Variants in RAB11B observed in about 807,000 individuals in gnomAD.
RAB11B encodes ras-related protein Rab-11B.
Under a neutral mutation model 23.7 loss-of-function variants are expected in RAB11B, and 7 were observed. The observed-to-expected ratio is 0.29, with a 90% CI of 0.17 to 0.55. The LOEUF is 0.55. RAB11B is among the 20% of genes least tolerant of loss of function. The probability of loss-of-function intolerance (pLI) is 0.93; values close to 1 mark genes in which losing one functional copy is unlikely to be tolerated. For synonymous variants in RAB11B, 138 were observed against 132.0 expected (o/e 1.05, Z -0.31); for missense variants, 189 against 320.0 (o/e 0.59, Z 3.12).
intron 1 of RAB11B, among the ~76,000 whole-genome samples, chr19:8,395,149 G>T (rs889527731): frequency 1.3e-5 from 2 of 151,118 alleles, no homozygotes; most frequent in Non-Finnish European, 3.0e-5. Context: ...GGTGTAGATG[G>T]GGGCCCTCAC....
chr19:8,400,148 AG>A, intron 2 of RAB11B, 90 bp downstream of exon 2: 1 of 1,437,992 alleles, frequency 7.0e-7, no homozygotes, highest in Non-Finnish European at 9.5e-7. Flanking sequence ...GGAGTTGGGC[AG>A]GAGAAGGGGA....
At chr19:8,403,352 TC>T in intron 4 of RAB11B, 60 bp from the exon 5 acceptor site, 2 of 1,565,028 alleles carry the variant, frequency 1.3e-6, no homozygotes, top group South Asian at 2.4e-5. Flanking sequence ...AGGGAGGGGT[TC>T]CCCTCGGCAG....
chr19:8,390,462 G>A lies in RAB11B; in HGVS notation c.40+6G>A. ...GTACGACTACCTATTCAAAGGTGCGGCCGGTGGGGCACAGACGGGCGAAGT... is the reference window on the plus strand; with the variant it reads ...GTACGACTACCTATTCAAAGGTGCGACCGGTGGGGCACAGACGGGCGAAGT... On this transcript the variant is annotated splice_donor_region_variant and intron_variant, in intron 1 of 4. Coordinates refer to ENST00000328024, the MANE Select transcript of RAB11B (RefSeq NM_004218.4). 6.6e-7 allele frequency: 1 copy of A among 1,506,960 alleles called. No individual in the cohort carries two copies. The highest frequency in any genetic ancestry group is 8.8e-7 in the Non-Finnish European group (1 of 1,131,106). The allele number at this position is 1,506,960 out of a possible 1,614,324, so 93.3% of individuals were successfully genotyped here.
intron 1 of RAB11B, among the ~76,000 whole-genome samples, chr19:8,392,740 G>C (rs1971367500): frequency 1.6e-5 from 2 of 123,228 alleles, no homozygotes; most frequent in South Asian, 5.4e-4. Flanking sequence ...ACCCAGCCTG[G>C]AGTGCAGTGG....
intron 1 of RAB11B, among the ~76,000 whole-genome samples, chr19:8,391,922 G>A (rs1971358031): frequency 6.6e-6 from 1 of 152,082 alleles, no homozygotes; most frequent in Non-Finnish European, 1.5e-5. Context: ...GGCTCTGGCA[G>A]CTGCACACAG....
At chr19:8,392,160 C>T (rs560552470) in intron 1 of RAB11B, among the ~76,000 whole-genome samples, 23 of 152,214 alleles carry the variant, frequency 1.5e-4, no homozygotes, top group Admixed American at 7.8e-4. Context: ...CCCACCCAGA[C>T]GTGGCACTGC....
At position 8,396,339 on chromosome 19, in the gene RAB11B, A is replaced by G. The variant is rs1343769972; in HGVS notation, c.41-3524A>G. On this transcript the variant is annotated intron_variant, in intron 1 of 4. Transcript: ENST00000328024. The surrounding 1 kb of genome is among the most constrained non-coding windows in gnomAD (Gnocchi z 5.0). ...TTGGCATTTTGTTTGTTCACTTGAC[A>G]GACATTTTCTTGGGTGTTTATTGTG... is the stretch of plus-strand genomic sequence containing the variant. Among the ~76,000 whole-genome samples the G allele has an allele frequency of 6.6e-6, 1 of 152,182 alleles. No individual in the cohort carries two copies. The highest frequency in any genetic ancestry group is 1.5e-5 in the Non-Finnish European group (1 of 68,036).
chr19:8,402,654 C>CTTGTTTTTTTTCTTT, intron 4 of RAB11B, 89 bp downstream of exon 4: 1 of 929,930 alleles, frequency 1.1e-6, no homozygotes, highest in Non-Finnish European at 1.7e-6. Flanking sequence ...TGTTCGTTTG[C>CTTGTTTTTTTTCTTT]TTGTTTTTTT....
chr19:8,402,613 T>TG, intron 4 of RAB11B, 48 bp downstream of exon 4: 1 of 1,411,306 alleles, frequency 7.1e-7, no homozygotes, highest in Non-Finnish European at 1.0e-6. Flanking sequence ...CCAGGCAGGG[T>TG]GGAACACGGC....
At chr19:8,399,505 G>A (rs765236342) in intron 1 of RAB11B, among the ~76,000 whole-genome samples, 8 of 152,348 alleles carry the variant, frequency 5.3e-5, no homozygotes, top group Admixed American at 2.6e-4. Context: ...TTCTCAAGCC[G>A]TGTCTGGCTG....
Position 8,390,443 on chromosome 19 carries a change from C to A in RAB11B, c.27C>A (p.Asp9Glu). The stretch of plus-strand genomic sequence containing the variant: ...TGGGGACCCGGGACGACGAGTACGA[C>A]TACCTATTCAAAGGTGCGGCCGGTG... MGTRDDEY[D>E]YLFKVVLIGD... The change falls in exon 1 of 5, where the codon GAC becomes GAA. Residue 9 changes from aspartate (D) to glutamate (E), a missense_variant. Physicochemically the swap from Asp to Glu is conservative, Grantham distance 45 (BLOSUM62 2). This residue lies in a region of RAB11B where 20 missense variants were observed against 16.2 expected (regional missense o/e 1.24). Coordinates refer to ENST00000328024, the MANE Select transcript of RAB11B (RefSeq NM_004218.4). 1 of 1,514,640 alleles carries A rather than the reference C, an allele frequency of 6.6e-7. No individual in the cohort carries two copies. Among genetic ancestry groups the A allele is most frequent in the Non-Finnish European group, 8.8e-7 (1 of 1,137,290 alleles). The allele number at this position is 1,514,640 out of a possible 1,614,324, so 93.8% of individuals were successfully genotyped here.
chr19:8,403,681 CGGCCG>C lies in RAB11B; in HGVS notation c.*131_*135del. 1.5e-6 allele frequency: 2 copies of C among 1,357,594 alleles called. No homozygotes were observed. The highest frequency in any genetic ancestry group is 2.0e-6 in the Non-Finnish European group (2 of 1,015,114). The allele number at this position is 1,357,594 out of a possible 1,614,324, so 84.1% of individuals were successfully genotyped here. On this transcript the variant is annotated 3_prime_UTR_variant, in exon 5 of 5. Transcript: ENST00000328024. ...TCCAGCCCTCCCAGTGAGCTCTGCACGGCCGGGCCGGGGCCCAGGAAGGACAGGAG... is the reference window on the plus strand; with the variant it reads ...TCCAGCCCTCCCAGTGAGCTCTGCACGGCCGGGGCCCAGGAAGGACAGGAG...
intron 2 of RAB11B, 25 bp downstream of exon 2, chr19:8,400,083 G>A: frequency 6.2e-7 from 1 of 1,602,790 alleles, no homozygotes; most frequent in Non-Finnish European, 8.5e-7. Context: ...CCTGGGCAGG[G>A]ACGCTGAGAT....
intron 1 of RAB11B, among the ~76,000 whole-genome samples, chr19:8,397,516 C>T (rs1289420308): frequency 3.9e-5 from 6 of 151,974 alleles, no homozygotes; most frequent in Non-Finnish European, 7.4e-5. Flanking sequence ...GTAGCTGAGG[C>T]TGACACTGAC....
intron 1 of RAB11B, among the ~76,000 whole-genome samples, chr19:8,399,385 G>A (rs1342574371): frequency 6.6e-6 from 1 of 152,206 alleles, no homozygotes; most frequent in Non-Finnish European, 1.5e-5. Context: ...ACCGTGCCTG[G>A]CCATGCCTGC....
chr19:8,394,906 G>A (rs1971384579), intron 1 of RAB11B, among the ~76,000 whole-genome samples: 1 of 152,218 alleles, frequency 6.6e-6, no homozygotes, highest in Non-Finnish European at 1.5e-5. Flanking sequence ...CTCCAGCCTG[G>A]GCGAGGGAGA....
At chr19:8,395,546 T>C (rs942387946) in intron 1 of RAB11B, among the ~76,000 whole-genome samples, 1 of 152,176 alleles carries the variant, frequency 6.6e-6, no homozygotes, top group African/African-American at 2.4e-5. Context: ...CATGAGCCAC[T>C]GTACCCGGCC....
rs1317903337 is a variant in RAB11B at position 8,396,713 on chromosome 19, G to T, written c.41-3150G>T. Among the ~76,000 whole-genome samples, 4 of 147,158 alleles carry T rather than the reference G, an allele frequency of 2.7e-5. No individual in the cohort carries two copies. Among genetic ancestry groups the T allele is most frequent in the Non-Finnish European group, 4.5e-5 (3 of 66,800 alleles). On this transcript the variant is annotated intron_variant, in intron 1 of 4. Coordinates refer to ENST00000328024, the MANE Select transcript of RAB11B (RefSeq NM_004218.4). This position sits in a 1 kb window ranked among gnomAD's most constrained non-coding sequence, Gnocchi z 5.0. ...TGTGGCTGGAGCAGAGTGAGCCGGG[G>T]GGGGGGCGGGAGGGAGGAGGGGAGG...
intron 1 of RAB11B, among the ~76,000 whole-genome samples, chr19:8,395,161 G>A (rs943407973): frequency 1.3e-5 from 2 of 152,156 alleles, no homozygotes; most frequent in Non-Finnish European, 2.9e-5. Flanking sequence ...GGCCCTCACA[G>A]TGAGTCCATC....
Sources: gnomAD v4.1 joint callset for allele counts (sites outside exome capture counted in the v4.1 genomes callset) on GRCh38, gnomAD v4.1.1 for gene constraint, gnomAD v4.1.1 regional missense constraint, Gnocchi (gnomAD v3.1) non-coding constraint, MANE v1.5 for transcripts, NCBI Gene and HGNC (gene_info 2026-07-23, HGNC 2026-07-21) for gene names.